The following NBPF3 variants were observed in gnomAD, a reference collection of about 807,000 sequenced individuals.
NBPF3 encodes the protein NBPF family member NBPF3.
NBPF3 carries 57 observed loss-of-function variants against 78.1 expected under a neutral mutation model. The ratio of observed to expected loss-of-function variants is 0.73; its 90% CI spans 0.59 to 0.91. The LOEUF (loss-of-function observed/expected upper bound fraction) is 0.91. Ranked by LOEUF, NBPF3 falls within the 40% of genes least tolerant of loss-of-function variation. NBPF3 has a pLI of 0.00. For synonymous variants in NBPF3, 182 were observed against 271.7 expected (o/e 0.67, Z 3.25); for missense variants, 510 against 715.3 (o/e 0.71, Z 3.27).
intron 2 of NBPF3, chr1:21,449,920 C>CATTG (rs34361598): frequency 0.026 from 6,771 of 265,204 alleles, 148 homozygotes; most frequent in Middle Eastern, 0.031. Context: ...GTAGTTCTTT[C>CATTG]ATTGATTGAT....
chr1:21,469,727 AAAAGC>A (rs1360106684), intron 3 of NBPF3, among the ~76,000 whole-genome samples: 1 of 152,162 alleles, frequency 6.6e-6, no homozygotes, highest in Non-Finnish European at 1.5e-5. Flanking sequence ...TCGTCAAAAG[AAAAGC>A]AGAGAGTACC....
At chr1:21,458,613 A>G (rs1264190977) in intron 2 of NBPF3, among the ~76,000 whole-genome samples, 4 of 152,226 alleles carry the variant, frequency 2.6e-5, no homozygotes, top group Admixed American at 6.5e-5. Flanking sequence ...GTTGATGCAA[A>G]TACTCATATG....
intron 9 of NBPF3, among the ~76,000 whole-genome samples, chr1:21,479,091 T>C (rs933602190): frequency 1.3e-5 from 2 of 152,232 alleles, no homozygotes; most frequent in African/African-American, 4.8e-5. Context: ...CATTGCTCAT[T>C]TGTGTACACA....
intron 2 of NBPF3, among the ~76,000 whole-genome samples, chr1:21,464,383 A>G (rs1642133396): frequency 6.6e-6 from 1 of 152,104 alleles, no homozygotes; most frequent in Non-Finnish European, 1.5e-5. Context: ...TATTCCATAT[A>G]GAGGAAGTGC....
At chr1:21,451,542 A>G (rs4654937) in intron 2 of NBPF3, among the ~76,000 whole-genome samples, 104,101 of 152,070 alleles carry the variant, frequency 0.68, 36,541 homozygotes, top group South Asian at 0.87. Context: ...AGGGACATGA[A>G]CATGGGATAC....
At chr1:21,464,686 A>G (rs1642153814) in intron 2 of NBPF3, among the ~76,000 whole-genome samples, 1 of 86,228 alleles carries the variant, frequency 1.2e-5, no homozygotes, top group Non-Finnish European at 2.7e-5. Flanking sequence ...CATGTCCAGT[A>G]TTTTCATTAA....
At chr1:21,472,043 G>C (rs1177537152) in intron 5 of NBPF3, among the ~76,000 whole-genome samples, 1 of 152,174 alleles carries the variant, frequency 6.6e-6, no homozygotes, top group Admixed American at 6.5e-5. Flanking sequence ...CACGTTTCTA[G>C]TTTTAAAGGA....
upstream of NBPF3, chr1:21,440,077 A>AC (rs1640526333): frequency 6.6e-6 from 1 of 151,912 alleles, no homozygotes; most frequent in Non-Finnish European, 1.5e-5. Flanking sequence ...GGTTCTCCTG[A>AC]CGCGGCCCAT....
At chr1:21,468,022 G>T (rs1642374287) in intron 2 of NBPF3, 4 of 152,408 alleles carry the variant, frequency 2.6e-5, no homozygotes, top group African/African-American at 9.6e-5. Flanking sequence ...CTTTCTAGTG[G>T]ATACAGACAA....
intron 2 of NBPF3, among the ~76,000 whole-genome samples, chr1:21,462,901 G>A (rs1472541725): frequency 1.3e-5 from 2 of 152,182 alleles, no homozygotes; most frequent in African/African-American, 4.8e-5. Flanking sequence ...TGATCGCATG[G>A]CAGTGGACAT....
intron 1 of NBPF3, among the ~76,000 whole-genome samples, chr1:21,444,124 C>G (rs1640825539): frequency 6.6e-6 from 1 of 152,112 alleles, no homozygotes; most frequent in Non-Finnish European, 1.5e-5. Context: ...TGGCATGAAA[C>G]AGATATTGAA....
At chr1:21,469,079 T>G (rs1642443590) in intron 3 of NBPF3, among the ~76,000 whole-genome samples, 182 bp downstream of exon 3, 1 of 152,206 alleles carries the variant, frequency 6.6e-6, no homozygotes, top group African/African-American at 2.4e-5. Context: ...ATTTAGCAAC[T>G]TTCCATGTTT....
intron 9 of NBPF3, among the ~76,000 whole-genome samples, chr1:21,478,584 C>G (rs149457622): frequency 1.1e-4 from 16 of 152,348 alleles, no homozygotes; most frequent in Middle Eastern, 3.4e-3. Flanking sequence ...GGCAAACTCA[C>G]ACCAAGCTGT....
rs1191726343 is a variant in NBPF3, at chr1:21,473,380, G to A, written c.735G>A (p.Arg245=). ...AEKVQELYAP[R]EVQKAEEKEV... The stretch of plus-strand genomic sequence containing the variant: ...ATCTCTATCCCACCTGGCTCATCAG[G>A]GAGGTGCAGAAGGCTGAAGAAAAGG... Residue 245 remains arginine (R), a splice_region_variant and synonymous_variant, in exon 7 of 15, where the codon AGG becomes AGA. Coordinates refer to ENST00000318249, the MANE Select transcript of NBPF3 (RefSeq NM_032264.6). 1 of 1,613,908 alleles carries A rather than the reference G, an allele frequency of 6.2e-7. No homozygotes were observed. The highest frequency in any genetic ancestry group is 2.2e-5 in the East Asian group (1 of 44,888).
At chr1:21,441,281 G>C (rs1158804510) in intron 1 of NBPF3, among the ~76,000 whole-genome samples, 1 of 152,104 alleles carries the variant, frequency 6.6e-6, no homozygotes, top group East Asian at 1.9e-4. Context: ...AATTTTATTA[G>C]TAAAATTTCA....
intron 2 of NBPF3, among the ~76,000 whole-genome samples, chr1:21,448,934 C>A (rs1641144670): frequency 6.6e-6 from 1 of 152,144 alleles, no homozygotes. Flanking sequence ...TAGCTCTTTC[C>A]ATGTTGGAAT....
intron 2 of NBPF3, among the ~76,000 whole-genome samples, chr1:21,453,128 C>T (rs1288740999): frequency 6.6e-6 from 1 of 152,130 alleles, no homozygotes; most frequent in Non-Finnish European, 1.5e-5. Flanking sequence ...ACTCGGGGCT[C>T]GTCCCTTCTA....
chr1:21,474,165 T>G (rs1264842840), intron 7 of NBPF3, among the ~76,000 whole-genome samples: 1 of 152,120 alleles, frequency 6.6e-6, no homozygotes, highest in Non-Finnish European at 1.5e-5. Context: ...TTTTGTAGCA[T>G]CATAGATTCT....
chr1:21,447,316 A>T (rs1340785957), intron 2 of NBPF3, among the ~76,000 whole-genome samples: 1 of 152,200 alleles, frequency 6.6e-6, no homozygotes, highest in African/African-American at 2.4e-5. Flanking sequence ...AGTTTCACAG[A>T]TTATGGGTTT....
Sources: allele counts gnomAD v4.1 joint callset (sites outside exome capture counted in the v4.1 genomes callset), GRCh38; gene constraint gnomAD v4.1.1; transcripts MANE v1.5; gene names NCBI Gene and HGNC (gene_info 2026-07-23, HGNC 2026-07-21).